Variants in NKTR observed in about 807,000 individuals in gnomAD.
The protein encoded by NKTR is natural killer cell triggering receptor, also known as NK-tumor recognition protein.
NKTR carries 67 observed loss-of-function variants against 156.3 expected under a neutral mutation model. That is an observed-to-expected ratio of 0.43 (90% confidence interval 0.35 to 0.53). The LOEUF (loss-of-function observed/expected upper bound fraction) is 0.53, where lower values mean the gene tolerates loss of function less well. Ranked by LOEUF, NKTR falls within the 20% of genes least tolerant of loss-of-function variation. The probability of loss-of-function intolerance (pLI) is 0.01; values close to 1 mark genes in which losing one functional copy is unlikely to be tolerated. For missense variants in NKTR, 1,604 were observed against 1,730.9 expected, an observed-to-expected ratio of 0.93 and a Z score of 1.30; for synonymous variants, 640 against 596.6, an observed-to-expected ratio of 1.07 and a Z score of -1.06.
chr3:42,619,603 G>T, intron 4 of NKTR, 61 bp from the exon 5 acceptor site: 2 of 1,595,494 alleles, frequency 1.3e-6, no homozygotes, highest in South Asian at 2.3e-5. Context: ...TATCAAAAAT[G>T]ATTTCTGTGT....
Position 42,633,656 on chromosome 3 carries a change from C to T in NKTR, c.850C>T (p.Pro284Ser), listed in dbSNP as rs1244881106. ...SAKREKPVVR[P>S]EEIPPVPENR... The stretch of plus-strand genomic sequence containing the variant: ...TAAAAGGGAAAAACCTGTGGTCCGC[C>T]CAGAAGAGATTCCTCCAGTGCCTGA... Residue 284 changes from proline to serine, a missense_variant, in exon 10 of 17, where the codon CCA becomes TCA. Around this residue, in one of 6 missense-constraint regions of NKTR, gnomAD observed 1,255 missense variants for 1,243.7 expected, o/e 1.01. Transcript: ENST00000232978. 3 of 1,613,976 alleles carry T rather than the reference C, an allele frequency of 1.9e-6. No homozygotes were observed. Among genetic ancestry groups the T allele is most frequent in the African/African-American group, 1.3e-5 (1 of 74,972 alleles).
chr3:42,606,973 A>G (rs536599219), intron 2 of NKTR, among the ~76,000 whole-genome samples: 1 of 152,168 alleles, frequency 6.6e-6, no homozygotes, highest in South Asian at 2.1e-4. Context: ...CTGGTCTCAA[A>G]TGATCCTCCC....
At chr3:42,622,208 C>T (rs1187808647) in intron 6 of NKTR, among the ~76,000 whole-genome samples, 8 of 152,004 alleles carry the variant, frequency 5.3e-5, no homozygotes, top group African/African-American at 1.2e-4. Context: ...CAAAAACTTA[C>T]CTTTTTATTA....
chr3:42,642,427 C>T, intron 13 of NKTR, 74 bp from the exon 14 acceptor site: 2 of 1,122,940 alleles, frequency 1.8e-6, no homozygotes, highest in Non-Finnish European at 2.7e-6. Context: ...CCCCTTTCTG[C>T]CCTACCAGTA....
Position 42,635,320 on chromosome 3 carries a change from A to G in NKTR, c.1117A>G (p.Arg373Gly), listed in dbSNP as rs748484740. ...CTGGAAAGAGGAAATGCAGAGATTA[A>G]GAGCATATAGACCACCTAGTGGAGA... ...PHWKEEMQRLRAYRPPSGEKW... is the reference protein window; with the variant it reads ...PHWKEEMQRLGAYRPPSGEKW... The change falls in exon 12 of 17, where the codon AGA (arginine) becomes GGA (glycine). Residue 373 changes from arginine to glycine, a missense_variant. Physicochemically the swap from Arg to Gly is moderately radical, Grantham distance 125. Around this residue, in one of 6 missense-constraint regions of NKTR, gnomAD observed 1,255 missense variants for 1,243.7 expected, o/e 1.01. Coordinates refer to ENST00000232978, the MANE Select transcript of NKTR (RefSeq NM_005385.4). The G allele has an allele frequency of 1.8e-5, 29 of 1,613,516 alleles. No individual in the cohort carries two copies. Among genetic ancestry groups the G allele is most frequent in the Non-Finnish European group, 2.5e-5 (29 of 1,179,702 alleles).
At chr3:42,616,962 C>T (rs1707431327) in intron 2 of NKTR, among the ~76,000 whole-genome samples, 1 of 152,092 alleles carries the variant, frequency 6.6e-6, no homozygotes, top group Admixed American at 6.6e-5. Context: ...TTCTGTGTTG[C>T]CCAGGCTGGT....
chr3:42,620,644 T>C (rs962563547), intron 5 of NKTR: 324 of 982,018 alleles, frequency 3.3e-4, no homozygotes, highest in Non-Finnish European at 3.8e-4. Context: ...AAAGGACATA[T>C]AAGTTAGTTT....
chr3:42,620,499 T>C (rs540520179), intron 5 of NKTR: 46 of 983,070 alleles, frequency 4.7e-5, no homozygotes, highest in Admixed American at 1.2e-4. Context: ...TTCAGTGTTA[T>C]AATAGTCTTT....
At chr3:42,639,983 A>G (rs1245736072) in intron 13 of NKTR, among the ~76,000 whole-genome samples, 1 of 152,208 alleles carries the variant, frequency 6.6e-6, no homozygotes, top group African/African-American at 2.4e-5. Flanking sequence ...GCTCTCTGTC[A>G]CTAGAAATGA....
intron 6 of NKTR, 52 bp downstream of exon 6, chr3:42,621,568 T>C (rs745715390): frequency 6.4e-7 from 1 of 1,573,806 alleles, no homozygotes. Context: ...GAAGCGCTGT[T>C]CATAAGAAAG....
Position 42,643,985 on chromosome 3 carries a change from G to A in NKTR, c.4283G>A (p.Ser1428Asn). The A allele has an allele frequency of 1.2e-6, 2 of 1,613,826 alleles. No individual in the cohort carries two copies. The highest frequency in any genetic ancestry group is 1.7e-6 in the Non-Finnish European group (2 of 1,179,786). Reference sequence around the variant, plus strand: ...AGTGACAGTTACCACCGAGGCAGAAGTTATAATCGGCGGTCCAGGTGGGTC... The same window carrying A: ...AGTGACAGTTACCACCGAGGCAGAAATTATAATCGGCGGTCCAGGTGGGTC... ...QRSDSYHRGR[S>N]YNRRSRSCRS... is the part of the protein sequence containing the mutation. The change falls in exon 16 of 17, where the codon AGT becomes AAT. Residue 1428 changes from serine (S) to asparagine (N), a missense_variant. Physicochemically the swap from Ser to Asn is conservative, Grantham distance 46. Transcript: ENST00000232978.
At chr3:42,625,182 G>T (rs1380980836) in intron 6 of NKTR, among the ~76,000 whole-genome samples, 1 of 152,116 alleles carries the variant, frequency 6.6e-6, no homozygotes, top group African/African-American at 2.4e-5. Context: ...TCTTAAAGAA[G>T]TATTGGGCTC....
chr3:42,600,736 C>T lies in NKTR; in HGVS notation c.-66C>T. 6.2e-6 allele frequency: 2 copies of T among 320,192 alleles called. No homozygotes were observed. Among genetic ancestry groups the T allele is most frequent in the Non-Finnish European group, 1.1e-5 (2 of 174,698 alleles). 19.8% of individuals were successfully genotyped at this position (320,192 alleles called of 1,614,324 possible). A position where few individuals can be genotyped will look rare whatever the true frequency, so the allele number is the denominator to read the frequency against. On this transcript the variant is annotated 5_prime_UTR_variant, in exon 1 of 17. Transcript: ENST00000232978. ...GGTTTGGCTGCAGTGGCAGTGCTTT[C>T]TCTTCTGCTCACGGGGACCCGCTCA... is the stretch of plus-strand genomic sequence containing the variant.
chr3:42,607,969 CTTTTTTTTTTTTTTTTTTTTTTTTTT>C lies in NKTR; in HGVS notation c.58+6923_58+6948del, dbSNP rs201803926. ...TGCCAATCGCAAGTCCTGAGTCGCT[CTTTTTTTTTTTTTTTTTTTTTTTTTT>C]TTTTTTTTTTTTTTTTTGAGTTTCC... On this transcript the variant is annotated intron_variant, in intron 2 of 16. Coordinates refer to ENST00000232978, the MANE Select transcript of NKTR (RefSeq NM_005385.4). Among the ~76,000 whole-genome samples the C allele has an allele frequency of 6.8e-4, 51 of 74,972 alleles. No individual in the cohort carries two copies. The East Asian group carries it at 9.5e-3, about 14-fold the overall frequency. 49.2% of individuals were successfully genotyped at this position (74,972 alleles called of 152,430 possible).
chr3:42,605,057 A>C lies in NKTR; in HGVS notation c.58+3993A>C, dbSNP rs927242313. Among the ~76,000 whole-genome samples the C allele has an allele frequency of 2.6e-5, 4 of 152,042 alleles. No homozygotes were observed. In the East Asian group the frequency reaches 7.7e-4, roughly 29 times the overall value. Reference sequence around the variant, plus strand: ...TTGAGGCTCTTAGGTGGGTACATACATATTTAGGATTGTTGTCTTCTTAGT... The same window carrying C: ...TTGAGGCTCTTAGGTGGGTACATACCTATTTAGGATTGTTGTCTTCTTAGT... On this transcript the variant is annotated intron_variant, in intron 2 of 16. Transcript: ENST00000232978.
At chr3:42,621,634 T>C (rs1308188044) in intron 6 of NKTR, 118 bp downstream of exon 6, 2 of 1,046,534 alleles carry the variant, frequency 1.9e-6, no homozygotes, top group African/African-American at 1.7e-5. Flanking sequence ...ATTTTTATTA[T>C]TAATTTCTAA....
intron 16 of NKTR, among the ~76,000 whole-genome samples, chr3:42,645,429 A>T (rs1710267288): frequency 6.6e-6 from 1 of 152,200 alleles, no homozygotes; most frequent in South Asian, 2.1e-4. Context: ...TCACGCCTGT[A>T]ATCCCAGCAC....
intron 6 of NKTR, among the ~76,000 whole-genome samples, chr3:42,625,422 G>T (rs1284683357): frequency 6.7e-6 from 1 of 148,386 alleles, no homozygotes; most frequent in African/African-American, 2.6e-5. Context: ...CATAAATAGG[G>T]CAATGGGGGG....
chr3:42,608,201 G>C (rs1706424581), intron 2 of NKTR, among the ~76,000 whole-genome samples: 2 of 151,638 alleles, frequency 1.3e-5, no homozygotes, highest in African/African-American at 4.8e-5. Flanking sequence ...ATGTTGGTCA[G>C]GCTGGTCCTA....
Sources: gnomAD v4.1 joint callset for allele counts (sites outside exome capture counted in the v4.1 genomes callset) on GRCh38, gnomAD v4.1.1 for gene constraint, gnomAD v4.1.1 regional missense constraint, MANE v1.5 for transcripts, NCBI Gene and HGNC (gene_info 2026-07-23, HGNC 2026-07-21) for gene names.